Variants in CAMTA1 observed in about 807,000 individuals in gnomAD.
CAMTA1 encodes the protein calmodulin binding transcription activator 1.
CAMTA1 carries 27 observed loss-of-function variants against 170.9 expected under a neutral mutation model. That is an observed-to-expected ratio of 0.16 (90% CI 0.12 to 0.22). The LOEUF is 0.22. Ranked by LOEUF, CAMTA1 falls within the 10% of genes least tolerant of loss-of-function variation. The probability of loss-of-function intolerance (pLI) is 1.00; values close to 1 mark genes in which losing one functional copy is unlikely to be tolerated. For missense variants in CAMTA1, 1,619 were observed against 2,217.2 expected (o/e 0.73, Z 5.42); for synonymous variants, 833 against 891.5 (o/e 0.93, Z 1.17).
chr1:7,140,535 T>G (rs1309008567), intron 4 of CAMTA1, among the ~76,000 whole-genome samples: 1 of 152,150 alleles, frequency 6.6e-6, no homozygotes, highest in African/African-American at 2.4e-5. Flanking sequence ...CTTGTGAGAA[T>G]TCACCCAGGA....
intron 3 of CAMTA1, chr1:6,871,853 T>G: frequency 6.8e-7 from 1 of 1,464,232 alleles, no homozygotes; most frequent in Non-Finnish European, 8.9e-7. Flanking sequence ...AACCATTTCA[T>G]TTTTTAATTT....
intron 3 of CAMTA1, among the ~76,000 whole-genome samples, chr1:7,045,127 A>T (rs557917539): frequency 1.3e-5 from 2 of 152,230 alleles, no homozygotes; most frequent in African/African-American, 2.4e-5. Context: ...CTTCTCTTTT[A>T]AAATCCTCCT....
chr1:7,187,594 A>T (rs1653637539), intron 4 of CAMTA1, among the ~76,000 whole-genome samples: 1 of 152,214 alleles, frequency 6.6e-6, no homozygotes, highest in African/African-American at 2.4e-5. Flanking sequence ...TAAAAGATGT[A>T]TTTTAAAAAA....
intron 3 of CAMTA1, among the ~76,000 whole-genome samples, chr1:6,923,538 T>C (rs752818334): frequency 3.9e-5 from 6 of 152,110 alleles, no homozygotes; most frequent in Admixed American, 6.5e-5. Flanking sequence ...CAGCCCTCCT[T>C]GTTGCTTCCA....
At chr1:6,953,216 C>T (rs934007307) in intron 3 of CAMTA1, among the ~76,000 whole-genome samples, 3 of 152,162 alleles carry the variant, frequency 2.0e-5, no homozygotes, top group African/African-American at 7.2e-5. Flanking sequence ...GTATAGATTC[C>T]ATTCGTGGAG....
At chr1:7,615,012 CA>C (rs2095549886) in intron 6 of CAMTA1, among the ~76,000 whole-genome samples, 1 of 152,270 alleles carries the variant, frequency 6.6e-6, no homozygotes, top group Admixed American at 6.5e-5. Flanking sequence ...CACACACCTA[CA>C]AAGAGACCCT....
Position 7,737,007 on chromosome 1 carries a change from C to T in CAMTA1, c.3340C>T (p.Leu1114=). 1 of 1,607,848 alleles carries T rather than the reference C, an allele frequency of 6.2e-7. No individual in the cohort carries two copies. The highest frequency in any genetic ancestry group is 8.5e-7 in the Non-Finnish European group (1 of 1,174,822). The change falls in exon 14 of 23, where the codon CTG becomes TTG. Residue 1114 remains leucine, a splice_region_variant and synonymous_variant. Coordinates refer to ENST00000303635, the MANE Select transcript of CAMTA1 (RefSeq NM_015215.4). ...LNVDHFSCTP[L]MWACALGHLE... ...TGTGGACCACTTCTCCTGTACTCCT[C>T]TGGTAAGGAATGGATTCCTGTAGCC...
chr1:7,165,940 CA>C (rs757938903), intron 4 of CAMTA1, among the ~76,000 whole-genome samples: 1 of 152,124 alleles, frequency 6.6e-6, no homozygotes, highest in Non-Finnish European at 1.5e-5. Context: ...ATGTATCTTA[CA>C]TATGTATATC....
chr1:6,904,626 A>G (rs778945322), intron 3 of CAMTA1, among the ~76,000 whole-genome samples: 3 of 148,576 alleles, frequency 2.0e-5, no homozygotes, highest in Non-Finnish European at 4.4e-5. Context: ...CATGAACAAC[A>G]TAGCTCACAG....
chr1:7,018,675 A>G (rs1700919794), intron 3 of CAMTA1, among the ~76,000 whole-genome samples: 1 of 152,182 alleles, frequency 6.6e-6, no homozygotes, highest in Admixed American at 6.5e-5. Context: ...AACCGGAATC[A>G]GCACCGCTCT....
At chr1:7,276,453 G>T (rs1341846350) in intron 5 of CAMTA1, among the ~76,000 whole-genome samples, 3 of 150,458 alleles carry the variant, frequency 2.0e-5, no homozygotes, top group African/African-American at 7.4e-5. Flanking sequence ...TGTGACTACA[G>T]GCGCCCGCCA....
intron 19 of CAMTA1, among the ~76,000 whole-genome samples, chr1:7,750,707 T>C (rs2096890591): frequency 6.6e-6 from 1 of 152,194 alleles, no homozygotes; most frequent in Admixed American, 6.5e-5. Flanking sequence ...TGATAAGCCT[T>C]GTATTTGGGA....
At chr1:7,498,171 CAT>C (rs1026040940) in intron 6 of CAMTA1, among the ~76,000 whole-genome samples, 2 of 134,772 alleles carry the variant, frequency 1.5e-5, no homozygotes, top group Admixed American at 7.5e-5. Context: ...AGTGTGTGTG[CAT>C]GTGTGTGTAT....
intron 11 of CAMTA1, among the ~76,000 whole-genome samples, chr1:7,714,394 A>G (rs1246354372): frequency 1.3e-5 from 2 of 152,210 alleles, no homozygotes; most frequent in Non-Finnish European, 2.9e-5. Flanking sequence ...GTTGGACCAC[A>G]TTGGACCTTT....
intron 6 of CAMTA1, among the ~76,000 whole-genome samples, chr1:7,620,388 TC>T (rs1477325033): frequency 6.6e-6 from 1 of 152,100 alleles, no homozygotes; most frequent in Non-Finnish European, 1.5e-5. Flanking sequence ...CTGGCTTTCA[TC>T]CAGGATACTC....
At chr1:7,303,227 C>T (rs1675055489) in intron 5 of CAMTA1, among the ~76,000 whole-genome samples, 1 of 152,204 alleles carries the variant, frequency 6.6e-6, no homozygotes, top group African/African-American at 2.4e-5. Flanking sequence ...GTGCCTAGAG[C>T]ACTCTCTTCC....
At chr1:7,260,072 T>G (rs1393701413) in intron 5 of CAMTA1, among the ~76,000 whole-genome samples, 1 of 152,224 alleles carries the variant, frequency 6.6e-6, no homozygotes. Context: ...GTCCCAACAA[T>G]TCAATTCTGC....
chr1:7,454,104 C>G (rs534634814), intron 5 of CAMTA1, among the ~76,000 whole-genome samples: 1 of 152,348 alleles, frequency 6.6e-6, no homozygotes, highest in South Asian at 2.1e-4. Context: ...TGACTCTGTC[C>G]CCCTTTCTGT....
At chr1:6,891,479 C>T (rs1254807398) in intron 3 of CAMTA1, among the ~76,000 whole-genome samples, 1 of 152,176 alleles carries the variant, frequency 6.6e-6, no homozygotes, top group Admixed American at 6.5e-5. Context: ...ATTAGAATAG[C>T]CTTCTGTGAT....
Sources: allele counts gnomAD v4.1 joint callset (sites outside exome capture counted in the v4.1 genomes callset), GRCh38; gene constraint gnomAD v4.1.1; transcripts MANE v1.5; gene names NCBI Gene and HGNC (gene_info 2026-07-23, HGNC 2026-07-21).